The following PLCXD3 variants were observed in gnomAD, a reference collection of about 807,000 sequenced individuals.
PLCXD3 encodes phosphatidylinositol specific phospholipase C X domain containing 3, also known as PI-PLC X domain-containing protein 3.
A neutral mutation model predicts 25.5 loss-of-function variants in PLCXD3; 19 were observed. The ratio of observed to expected loss-of-function variants is 0.75; its 90% CI spans 0.52 to 1.09. The LOEUF is 1.09. Ranked by LOEUF, PLCXD3 falls within the 50% of genes least tolerant of loss-of-function variation. The pLI, the probability that PLCXD3 is intolerant of heterozygous loss-of-function variation, is 0.00. For synonymous variants in PLCXD3, 174 were observed against 137.6 expected, an observed-to-expected ratio of 1.26 and a Z score of -1.85; for missense variants, 411 against 388.1, an observed-to-expected ratio of 1.06 and a Z score of -0.50.
chr5:41,372,704 G>C (rs544094924), intron 2 of PLCXD3, among the ~76,000 whole-genome samples: 2 of 152,052 alleles, frequency 1.3e-5, no homozygotes, highest in South Asian at 4.2e-4. Flanking sequence ...GCCACCAACT[G>C]AGTGTACCCC....
At chr5:41,507,506 G>A (rs969602441) in intron 1 of PLCXD3, among the ~76,000 whole-genome samples, 4 of 152,274 alleles carry the variant, frequency 2.6e-5, no homozygotes, top group South Asian at 2.1e-4. Context: ...CAGCTATTGC[G>A]AGATTACTCT....
intron 2 of PLCXD3, among the ~76,000 whole-genome samples, chr5:41,377,995 CT>C: frequency 6.6e-6 from 1 of 152,140 alleles, no homozygotes; most frequent in East Asian, 1.9e-4. Context: ...CTTACTACAC[CT>C]TTTGGTGCCA....
chr5:41,367,689 T>G (rs320623), intron 2 of PLCXD3, among the ~76,000 whole-genome samples: 139,459 of 152,172 alleles, frequency 0.92, 64,339 homozygotes, highest in African/African-American at 0.96. Flanking sequence ...AACTGATTTT[T>G]GCATCTTCAT....
intron 1 of PLCXD3, among the ~76,000 whole-genome samples, chr5:41,477,377 C>A (rs1017101551): frequency 6.6e-6 from 1 of 152,116 alleles, no homozygotes; most frequent in Non-Finnish European, 1.5e-5. Flanking sequence ...AATCAGGATT[C>A]TGGAATCAGA....
intron 1 of PLCXD3, among the ~76,000 whole-genome samples, chr5:41,468,662 T>C (rs1308141773): frequency 6.6e-6 from 1 of 152,204 alleles, no homozygotes; most frequent in African/African-American, 2.4e-5. Context: ...TTTATTTTTC[T>C]TTCAGATAGT....
chr5:41,445,227 G>A (rs1044531192), intron 1 of PLCXD3, among the ~76,000 whole-genome samples: 1 of 152,158 alleles, frequency 6.6e-6, no homozygotes, highest in African/African-American at 2.4e-5. Flanking sequence ...TGGTTTATTG[G>A]ATTGTGGAGA....
chr5:41,445,815 C>T (rs535554859), intron 1 of PLCXD3, among the ~76,000 whole-genome samples: 51 of 151,992 alleles, frequency 3.4e-4, no homozygotes, highest in Admixed American at 1.0e-3. Flanking sequence ...AAACATCGTC[C>T]CTATGTTTTC....
At chr5:41,436,832 A>G (rs1033800124) in intron 1 of PLCXD3, among the ~76,000 whole-genome samples, 8 of 152,236 alleles carry the variant, frequency 5.3e-5, no homozygotes, top group African/African-American at 1.9e-4. Context: ...AAGCCAAAAT[A>G]ATTTATCTAT....
chr5:41,354,793 G>A (rs1014118274), intron 2 of PLCXD3, among the ~76,000 whole-genome samples: 1 of 152,120 alleles, frequency 6.6e-6, no homozygotes, highest in Non-Finnish European at 1.5e-5. Context: ...ATCTGATCAT[G>A]TTAGTTCCCT....
At chr5:41,419,273 A>T (rs971472476) in intron 1 of PLCXD3, among the ~76,000 whole-genome samples, 2 of 152,170 alleles carry the variant, frequency 1.3e-5, no homozygotes, top group Non-Finnish European at 2.9e-5. Context: ...CTCAAATCAA[A>T]GCTTCCTATC....
intron 2 of PLCXD3, among the ~76,000 whole-genome samples, chr5:41,363,673 G>A (rs1392600078): frequency 6.6e-6 from 1 of 152,178 alleles, no homozygotes; most frequent in African/African-American, 2.4e-5. Flanking sequence ...ACTCCAAAGA[G>A]CCTTCATTAG....
chr5:41,307,635 A>C lies in PLCXD3; in HGVS notation c.*5982T>G, dbSNP rs1196449420. 2 of 152,220 alleles carry C rather than the reference A, an allele frequency of 1.3e-5. No homozygotes were observed. The highest frequency in any genetic ancestry group is 2.9e-5 in the Non-Finnish European group (2 of 68,122). 9.4% of individuals were successfully genotyped at this position (152,220 alleles called of 1,614,324 possible). A position where few individuals can be genotyped will look rare whatever the true frequency, so the allele number is the denominator to read the frequency against. ...CCTGTCCCCCAACAATGTTCTGAGA[A>C]GGTGTCACCAGGGCAGTGTCTATAC... is the stretch of plus-strand genomic sequence containing the variant. On this transcript the variant is annotated 3_prime_UTR_variant, in exon 3 of 3. Transcript: ENST00000377801.
At chr5:41,372,298 TCA>T (rs71608605) in intron 2 of PLCXD3, among the ~76,000 whole-genome samples, 11,320 of 110,010 alleles carry the variant, frequency 0.1, 530 homozygotes, top group Middle Eastern at 0.12. Flanking sequence ...TCTCTCTCTC[TCA>T]CACACACACA....
chr5:41,323,313 AG>A (rs1178899651), intron 2 of PLCXD3, among the ~76,000 whole-genome samples: 1 of 152,232 alleles, frequency 6.6e-6, no homozygotes, highest in Non-Finnish European at 1.5e-5. Context: ...ATAGCACAAC[AG>A]ACTGATTAGA....
chr5:41,440,424 G>T (rs1747358918), intron 1 of PLCXD3, among the ~76,000 whole-genome samples: 1 of 151,158 alleles, frequency 6.6e-6, no homozygotes. Context: ...GTAGAGACGG[G>T]GTTTCACCAT....
chr5:41,401,764 C>G (rs1409960420), intron 1 of PLCXD3, among the ~76,000 whole-genome samples: 1 of 151,932 alleles, frequency 6.6e-6, no homozygotes, highest in Non-Finnish European at 1.5e-5. Flanking sequence ...TTGTGAGAAT[C>G]TTTTAAACCA....
chr5:41,327,024 T>C (rs1743649015), intron 2 of PLCXD3, among the ~76,000 whole-genome samples: 1 of 152,072 alleles, frequency 6.6e-6, no homozygotes, highest in Non-Finnish European at 1.5e-5. Flanking sequence ...AAATCATTCA[T>C]TTTACTTGGG....
At chr5:41,486,830 T>A (rs1748528990) in intron 1 of PLCXD3, among the ~76,000 whole-genome samples, 2 of 152,142 alleles carry the variant, frequency 1.3e-5, no homozygotes, top group Admixed American at 1.3e-4. Context: ...TCATCTCAAT[T>A]TTAGAGCTGA....
intron 1 of PLCXD3, among the ~76,000 whole-genome samples, chr5:41,483,961 TC>T (rs1248306307): frequency 2.6e-5 from 4 of 152,074 alleles, no homozygotes; most frequent in Non-Finnish European, 5.9e-5. Context: ...TTTTAAAGGC[TC>T]CAAATGCATT....
Sources: gnomAD v4.1 joint callset for allele counts (sites outside exome capture counted in the v4.1 genomes callset) on GRCh38, gnomAD v4.1.1 for gene constraint, MANE v1.5 for transcripts, NCBI Gene and HGNC (gene_info 2026-07-23, HGNC 2026-07-21) for gene names.